The following MNX1 variants were observed in gnomAD, a reference collection of about 807,000 sequenced individuals.
The protein encoded by MNX1 is motor neuron and pancreas homeobox protein 1.
A neutral mutation model predicts 17.3 loss-of-function variants in MNX1; 2 were observed. That is an observed-to-expected ratio of 0.12 (90% CI 0.05 to 0.36). The LOEUF (loss-of-function observed/expected upper bound fraction) is 0.36. Ranked by LOEUF, MNX1 falls within the 10% of genes least tolerant of loss-of-function variation. The pLI, the probability that MNX1 is intolerant of heterozygous loss-of-function variation, is 1.00. For missense variants in MNX1, 556 were observed against 564.7 expected (o/e 0.98, Z 0.16); for synonymous variants, 306 against 283.1 (o/e 1.08, Z -0.81).
chr7:157,007,847 C>G (rs369729614), intron 1 of MNX1: 6 of 152,338 alleles, frequency 3.9e-5, no homozygotes, highest in African/African-American at 1.4e-4. Flanking sequence ...AACAAGGCCC[C>G]GAATTCCCAA....
At chr7:157,007,225 G>A (rs775115760) in intron 1 of MNX1, 1 of 152,186 alleles carries the variant, frequency 6.6e-6, no homozygotes, top group Non-Finnish European at 1.5e-5. Context: ...TCTGGGAAGA[G>A]CTGGTCCTGC....
chr7:157,009,844 C>T lies in MNX1; in HGVS notation c.507G>A (p.Ala169=), dbSNP rs1805675613. 8.6e-6 allele frequency: 13 copies of T among 1,511,604 alleles called. No individual in the cohort carries two copies. The highest frequency in any genetic ancestry group is 1.1e-5 in the Non-Finnish European group (13 of 1,138,078). 93.6% of individuals were successfully genotyped at this position (1,511,604 alleles called of 1,614,324 possible). A position where few individuals can be genotyped will look rare whatever the true frequency, so the allele number is the denominator to read the frequency against. ...YGHPVYGYSA[A]AAAAALAGQH... ...GGCCCGCCAGCGCAGCCGCCGCCGC[C>T]GCCGCGGAGTAGCCGTAGACCGGGT... Residue 169 remains alanine, a synonymous_variant, in exon 1 of 3, where the codon GCG becomes GCA. Transcript: ENST00000252971.
Position 157,010,442 on chromosome 7 carries a change from G to A in MNX1, c.-92C>T, listed in dbSNP as rs1027679750. ...GTCAGTGCGTGCGGTGCAAGCCCGG[G>A]GGCTCGGTATTGTTATGGTGGTTAT... On this transcript the variant is annotated 5_prime_UTR_variant, in exon 1 of 3. Coordinates refer to ENST00000252971, the MANE Select transcript of MNX1 (RefSeq NM_005515.4). 5 of 936,218 alleles carry A rather than the reference G, an allele frequency of 5.3e-6. No homozygotes were observed. Among genetic ancestry groups the A allele is most frequent in the African/African-American group, 1.7e-5 (1 of 58,108 alleles). The allele number at this position is 936,218 out of a possible 1,614,324, so 58.0% of individuals were successfully genotyped here.
At position 157,010,143 on chromosome 7, in the gene MNX1, C is replaced by A; in HGVS notation, c.208G>T (p.Ala70Ser). ...GGGCTCTCGGCGCGCAGGCGGTCGGCGGGCGCAGCCGGCGGCTCCGAGGAC... is the reference window on the plus strand; with the variant it reads ...GGGCTCTCGGCGCGCAGGCGGTCGGAGGGCGCAGCCGGCGGCTCCGAGGAC... ...PASSEPPAAP[A>S]DRLRAESPSP... Residue 70 changes from alanine (A) to serine (S), a missense_variant, in exon 1 of 3, where the codon GCC (alanine) becomes TCC (serine). Physicochemically the swap from Ala to Ser is moderately conservative, Grantham distance 99 (BLOSUM62 1). Transcript: ENST00000252971. 9.4e-7 allele frequency: 1 copy of A among 1,058,428 alleles called. No individual in the cohort carries two copies. 65.6% of individuals were successfully genotyped at this position (1,058,428 alleles called of 1,614,324 possible).
rs1214902051 is a variant in MNX1 at position 157,008,806 on chromosome 7, G to C, written c.691+854C>G. The C allele has an allele frequency of 6.5e-6, 4 of 614,774 alleles. No individual in the cohort carries two copies. The East Asian group carries it at 1.1e-4, about 17-fold the overall frequency. 38.1% of individuals were successfully genotyped at this position (614,774 alleles called of 1,614,324 possible). Reference sequence around the variant, plus strand: ...GACCCCGATGGGGCGAGCGGGGAGAGCCAGAGCCCCAGAGAGCCAGAGCCC... The same window carrying C: ...GACCCCGATGGGGCGAGCGGGGAGACCCAGAGCCCCAGAGAGCCAGAGCCC... On this transcript the variant is annotated intron_variant, in intron 1 of 2. Transcript: ENST00000252971.
chr7:157,008,873 T>C (rs1805652315), intron 1 of MNX1: 3 of 991,834 alleles, frequency 3.0e-6, no homozygotes, highest in Non-Finnish European at 4.4e-6. Flanking sequence ...CAGGAAAGCC[T>C]GAGGGGCCCA....
rs1008932891 is a variant in MNX1 at position 157,006,802 on chromosome 7, C to T, written c.692-163G>A. Reference sequence around the variant, plus strand: ...ATCAGTGCCCACTCCCCAAGGAATGCGGACTCAGGACCACCAAGTGGAAAT... The same window carrying T: ...ATCAGTGCCCACTCCCCAAGGAATGTGGACTCAGGACCACCAAGTGGAAAT... On this transcript the variant is annotated intron_variant, in intron 1 of 2. Coordinates refer to ENST00000252971, the MANE Select transcript of MNX1 (RefSeq NM_005515.4). This position sits in a 1 kb window ranked among gnomAD's most constrained non-coding sequence, Gnocchi z 6.3. The T allele has an allele frequency of 1.3e-5, 9 of 668,290 alleles. No individual in the cohort carries two copies. The highest frequency in any genetic ancestry group is 2.2e-5 in the South Asian group (1 of 46,478). The allele number at this position is 668,290 out of a possible 1,614,324, so 41.4% of individuals were successfully genotyped here. A position where few individuals can be genotyped will look rare whatever the true frequency, so the allele number is the denominator to read the frequency against.
At chr7:157,007,999 A>G (rs1022155524) in intron 1 of MNX1, 1 of 152,258 alleles carries the variant, frequency 6.6e-6, no homozygotes, top group Admixed American at 6.5e-5. Flanking sequence ...CTCAGAACAC[A>G]TTCCGCCGTC....
At position 157,006,500 on chromosome 7, in the gene MNX1, C is replaced by A; in HGVS notation, c.831G>T (p.Ser277=). 6.2e-7 allele frequency: 1 copy of A among 1,611,070 alleles called. No homozygotes were observed. The highest frequency in any genetic ancestry group is 8.5e-7 in the Non-Finnish European group (1 of 1,179,360). Residue 277 remains serine (S), a synonymous_variant, in exon 2 of 3, where the codon TCG becomes TCT. Transcript: ENST00000252971. This position sits in a 1 kb window ranked among gnomAD's most constrained non-coding sequence, Gnocchi z 6.3. ...SRPKRFEVAT[S]LMLTETQVKI... ...GCACCTGGGTCTCGGTGAGCATGAG[C>A]GAGGTGGCCACCTCGAAGCGCTTGG...
rs574011977 is a variant in MNX1, at chr7:157,005,952, C to G, written c.853-79G>C. ...GTCCCCGGAGTCCCCCGGCCGCGTG[C>G]GCCTGGGCCCCATTGGGTCGGCCCT... On this transcript the variant is annotated intron_variant, in intron 2 of 2. Transcript: ENST00000252971. The G allele has an allele frequency of 1.4e-5, 22 of 1,544,164 alleles. No homozygotes were observed. In the South Asian group the frequency reaches 2.2e-4, roughly 16 times the overall value.
intron 1 of MNX1, chr7:157,009,209 G>A: frequency 6.9e-7 from 1 of 1,450,700 alleles, no homozygotes; most frequent in Non-Finnish European, 9.0e-7. Flanking sequence ...TGCTGCTCCT[G>A]AAGCACTCCC....
At chr7:157,007,112 A>C (rs1805616908) in intron 1 of MNX1, 1 of 152,164 alleles carries the variant, frequency 6.6e-6, no homozygotes, top group African/African-American at 2.4e-5. Context: ...TAAATAAAAA[A>C]TAATAAAATA....
In MNX1 at chr7:157,006,028, G is replaced by T. The variant is rs1013265262; in HGVS notation, c.853-155C>A. Among the ~76,000 whole-genome samples, 1 of 152,120 alleles carries T rather than the reference G, an allele frequency of 6.6e-6. No homozygotes were observed. The highest frequency in any genetic ancestry group is 1.5e-5 in the Non-Finnish European group (1 of 68,026). On this transcript the variant is annotated intron_variant, in intron 2 of 2. Coordinates refer to ENST00000252971, the MANE Select transcript of MNX1 (RefSeq NM_005515.4). The surrounding 1 kb of genome is among the most constrained non-coding windows in gnomAD (Gnocchi z 6.3). Reference sequence around the variant, plus strand: ...TAGAAGCAGAATGGGGAGGGGGCTCGTAGCTTCCTCCTCCCCGCAACCCCC... The same window carrying T: ...TAGAAGCAGAATGGGGAGGGGGCTCTTAGCTTCCTCCTCCCCGCAACCCCC...
At position 157,005,477 on chromosome 7, in the gene MNX1, C is replaced by G; in HGVS notation, c.*43G>C. 1 of 1,232,244 alleles carries G rather than the reference C, an allele frequency of 8.1e-7. No homozygotes were observed. The highest frequency in any genetic ancestry group is 1.0e-6 in the Non-Finnish European group (1 of 988,072). 76.3% of individuals were successfully genotyped at this position (1,232,244 alleles called of 1,614,324 possible). On this transcript the variant is annotated 3_prime_UTR_variant, in exon 3 of 3. Coordinates refer to ENST00000252971, the MANE Select transcript of MNX1 (RefSeq NM_005515.4). ...GGGGCCTCCGGGAGAAGCCGCCGGC[C>G]GGGGCGCTCCGTGCGCGCCGCACCT...
chr7:157,009,995 G>A lies in MNX1; in HGVS notation c.356C>T (p.Pro119Leu). Residue 119 changes from proline to leucine, a missense_variant, in exon 1 of 3, where the codon CCG becomes CTG. Physicochemically the swap from Pro to Leu is moderately conservative, Grantham distance 98 (BLOSUM62 -3). Transcript: ENST00000252971. The part of the protein sequence containing the change: ...GHGGPHHHAH[P>L]GAAAAAAAAA... ...GGCGGCGGCAGCGGCCGCTGCGCCC[G>A]GATGCGCGTGGTGGTGGGGCCCCCC... is the stretch of plus-strand genomic sequence containing the variant. 2 of 984,372 alleles carry A rather than the reference G, an allele frequency of 2.0e-6. No homozygotes were observed. The highest frequency in any genetic ancestry group is 2.4e-6 in the Non-Finnish European group (2 of 832,460). 61.0% of individuals were successfully genotyped at this position (984,372 alleles called of 1,614,324 possible). A position where few individuals can be genotyped will look rare whatever the true frequency, so the allele number is the denominator to read the frequency against.
intron 1 of MNX1, chr7:157,009,079 T>TCGGC (rs1805657162): frequency 1.3e-6 from 2 of 1,536,608 alleles, no homozygotes; most frequent in Non-Finnish European, 1.7e-6. Flanking sequence ...GCCACCTGCC[T>TCGGC]CGGCCATCGC....
At chr7:157,008,621 T>G in intron 1 of MNX1, 1 of 247,948 alleles carries the variant, frequency 4.0e-6, no homozygotes, top group Non-Finnish European at 7.7e-6. Context: ...TCTGGAGTGT[T>G]TATTTCTGTT....
At chr7:157,009,178 C>T in intron 1 of MNX1, 1 of 1,474,984 alleles carries the variant, frequency 6.8e-7, no homozygotes, top group Non-Finnish European at 9.0e-7. Context: ...CCCCGGGCCT[C>T]CGAAGCCCAT....
chr7:157,008,980 T>G, intron 1 of MNX1: 1 of 1,535,890 alleles, frequency 6.5e-7, no homozygotes, highest in Non-Finnish European at 8.7e-7. Context: ...GGCCCCACCT[T>G]GGAGGGGCAT....
Sources: allele counts gnomAD v4.1 joint callset (sites outside exome capture counted in the v4.1 genomes callset), GRCh38; gene constraint gnomAD v4.1.1; non-coding constraint Gnocchi (gnomAD v3.1); transcripts MANE v1.5; gene names NCBI Gene and HGNC (gene_info 2026-07-23, HGNC 2026-07-21).